The following SLC4A10 variants were observed in gnomAD, a reference collection of about 807,000 sequenced individuals.
The protein encoded by SLC4A10 is sodium-driven chloride bicarbonate exchanger.
SLC4A10 carries 42 observed loss-of-function variants against 137.7 expected under a neutral mutation model. The ratio of observed to expected loss-of-function variants is 0.30; its 90% confidence interval spans 0.24 to 0.39. SLC4A10 has a LOEUF of 0.39. Ranked by LOEUF, SLC4A10 falls within the 10% of genes least tolerant of loss-of-function variation. The pLI is 1.00. For missense variants in SLC4A10, 925 were observed against 1,355.0 expected, an observed-to-expected ratio of 0.68 and a Z score of 4.98; for synonymous variants, 474 against 464.1, an observed-to-expected ratio of 1.02 and a Z score of -0.27.
rs369191873 is a variant in SLC4A10, at chr2:161,925,858, G to A, written c.1998-16934G>A. Among the ~76,000 whole-genome samples the A allele has an allele frequency of 5.3e-5, 8 of 152,022 alleles. No homozygotes were observed. In the East Asian group the frequency reaches 7.7e-4, roughly 15 times the overall value. On this transcript the variant is annotated intron_variant, in intron 15 of 26. Transcript: ENST00000446997. ...TTGTTCAGTTTCCATATAGTTGAGC[G>A]GTTTTGAGTGAGTTTCTTAATCCTG...
chr2:161,876,589 G>T (rs1321440950), intron 8 of SLC4A10, among the ~76,000 whole-genome samples: 1 of 152,066 alleles, frequency 6.6e-6, no homozygotes, highest in African/African-American at 2.4e-5. Flanking sequence ...GAAATGGAAG[G>T]ATCAGGATGG....
intron 1 of SLC4A10, among the ~76,000 whole-genome samples, chr2:161,674,267 T>G (rs980885918): frequency 1.3e-5 from 2 of 152,180 alleles, no homozygotes; most frequent in Non-Finnish European, 2.9e-5. Flanking sequence ...TGAACTACAG[T>G]GTCTCCATCT....
rs181138431 is a variant in SLC4A10 at position 161,699,230 on chromosome 2, G to A, written c.49-71743G>A. Among the ~76,000 whole-genome samples the A allele has an allele frequency of 1.4e-3, 219 of 152,044 alleles. 2 individuals are homozygous for A. Among genetic ancestry groups the A allele is most frequent in the Middle Eastern group, 6.8e-3 (2 of 292 alleles). Reference sequence around the variant, plus strand: ...AGAGACGGGGTTTCACTGTGTTAGCGAAGATGGTCTCGATCTCCTGACCTC... The same window carrying A: ...AGAGACGGGGTTTCACTGTGTTAGCAAAGATGGTCTCGATCTCCTGACCTC... On this transcript the variant is annotated intron_variant, in intron 1 of 26. Transcript: ENST00000446997.
At chr2:161,711,672 G>A in intron 1 of SLC4A10, among the ~76,000 whole-genome samples, 1 of 151,736 alleles carries the variant, frequency 6.6e-6, no homozygotes, top group East Asian at 1.9e-4. Context: ...TTGTATTAGA[G>A]CAATAGAAAA....
chr2:161,953,873 T>C (rs994629494), intron 19 of SLC4A10, among the ~76,000 whole-genome samples: 2 of 152,218 alleles, frequency 1.3e-5, no homozygotes, highest in Non-Finnish European at 2.9e-5. Flanking sequence ...GTTTGTTTGT[T>C]TCTCCCTTAG....
At chr2:161,962,899 C>T (rs890577033) in intron 21 of SLC4A10, among the ~76,000 whole-genome samples, 2 of 152,064 alleles carry the variant, frequency 1.3e-5, no homozygotes, top group Non-Finnish European at 2.9e-5. Context: ...ATTAATATGA[C>T]ACATTTGATG....
At chr2:161,908,069 G>A (rs1305103660) in intron 15 of SLC4A10, among the ~76,000 whole-genome samples, 1 of 151,994 alleles carries the variant, frequency 6.6e-6, no homozygotes, top group Non-Finnish European at 1.5e-5. Flanking sequence ...GAAAAGCAAG[G>A]TCTGAGCCCT....
intron 2 of SLC4A10, among the ~76,000 whole-genome samples, chr2:161,798,134 C>T (rs1332917753): frequency 6.6e-6 from 1 of 151,890 alleles, no homozygotes. Context: ...AGAAATTTTC[C>T]ATTGGACTTC....
At chr2:161,966,281 A>G (rs966692943) in intron 23 of SLC4A10, among the ~76,000 whole-genome samples, 5 of 152,198 alleles carry the variant, frequency 3.3e-5, no homozygotes, top group African/African-American at 1.2e-4. Context: ...ATTCATCATG[A>G]TGATGTGTCT....
intron 1 of SLC4A10, among the ~76,000 whole-genome samples, chr2:161,664,354 T>C (rs1317048337): frequency 6.6e-6 from 1 of 151,916 alleles, no homozygotes; most frequent in African/African-American, 2.4e-5. Context: ...GTTTAAACCT[T>C]GGTGAATTGT....
chr2:161,947,162 G>A (rs989476080), intron 16 of SLC4A10, among the ~76,000 whole-genome samples: 1 of 151,966 alleles, frequency 6.6e-6, no homozygotes, highest in Non-Finnish European at 1.5e-5. Context: ...TTATGGTATT[G>A]GTGTGAAAAG....
intron 10 of SLC4A10, among the ~76,000 whole-genome samples, chr2:161,889,652 G>A (rs1233569964): frequency 3.9e-5 from 6 of 151,962 alleles, no homozygotes; most frequent in African/African-American, 1.4e-4. Context: ...TTTTTATTGT[G>A]TCTATTTGAT....
intron 15 of SLC4A10, among the ~76,000 whole-genome samples, chr2:161,918,869 G>A (rs1687611465): frequency 6.6e-6 from 1 of 152,174 alleles, no homozygotes; most frequent in African/African-American, 2.4e-5. Flanking sequence ...GGAAAAGGTG[G>A]AAGCCCCGCG....
chr2:161,820,882 G>T (rs899492796), intron 3 of SLC4A10, among the ~76,000 whole-genome samples: 2 of 152,070 alleles, frequency 1.3e-5, no homozygotes, highest in African/African-American at 4.8e-5. Flanking sequence ...CAAAATTGGG[G>T]TACATATTTA....
At chr2:161,628,506 T>G (rs1163369749) in intron 1 of SLC4A10, among the ~76,000 whole-genome samples, 2 of 152,042 alleles carry the variant, frequency 1.3e-5, no homozygotes, top group African/African-American at 4.8e-5. Flanking sequence ...TTATAAAAAG[T>G]CTTTAATGTA....
At position 161,894,852 on chromosome 2, in the gene SLC4A10, A is replaced by C. The variant is rs1466684356; in HGVS notation, c.1341+27A>C. ...TATGTATATTTGAAGACATTCTTTGAAATTGAATTTTTTTTTGTCTTTTAA... is the reference window on the plus strand; with the variant it reads ...TATGTATATTTGAAGACATTCTTTGCAATTGAATTTTTTTTTGTCTTTTAA... On this transcript the variant is annotated intron_variant, in intron 11 of 26. Transcript: ENST00000446997. 6 of 1,317,666 alleles carry C rather than the reference A, an allele frequency of 4.6e-6. No individual in the cohort carries two copies. The African/African-American group carries it at 9.1e-5, about 20-fold the overall frequency. 81.6% of individuals were successfully genotyped at this position (1,317,666 alleles called of 1,614,324 possible). A position where few individuals can be genotyped will look rare whatever the true frequency, so the allele number is the denominator to read the frequency against.
chr2:161,723,614 GC>G (rs2045923510), intron 1 of SLC4A10, among the ~76,000 whole-genome samples: 1 of 152,218 alleles, frequency 6.6e-6, no homozygotes, highest in African/African-American at 2.4e-5. Context: ...CCTACTGTTT[GC>G]AAAAAACAAA....
intron 20 of SLC4A10, among the ~76,000 whole-genome samples, chr2:161,957,728 T>A (rs892018187): frequency 6.6e-5 from 10 of 152,180 alleles, no homozygotes; most frequent in Admixed American, 2.0e-4. Flanking sequence ...CTGGACATCA[T>A]CATTGCATAT....
chr2:161,656,626 T>A (rs2037571160), intron 1 of SLC4A10, among the ~76,000 whole-genome samples: 1 of 152,164 alleles, frequency 6.6e-6, no homozygotes, highest in Admixed American at 6.5e-5. Context: ...ACTCAAGAAT[T>A]GAACAATATA....
Sources: allele counts gnomAD v4.1 joint callset (sites outside exome capture counted in the v4.1 genomes callset), GRCh38; gene constraint gnomAD v4.1.1; transcripts MANE v1.5; gene names NCBI Gene and HGNC (gene_info 2026-07-23, HGNC 2026-07-21).